Variants in NTRK2 observed in about 807,000 individuals in gnomAD.
NTRK2 encodes BDNF/NT-3 growth factors receptor.
In NTRK2, 13 loss-of-function variants were observed where a neutral mutation model predicts 94.5. That is an observed-to-expected ratio of 0.14 (90% CI 0.09 to 0.22). NTRK2 has a LOEUF of 0.22. Among genes scored for constraint, NTRK2 ranks in the 10% least tolerant of loss-of-function variants. The probability of loss-of-function intolerance (pLI) is 1.00; values close to 1 mark genes in which losing one functional copy is unlikely to be tolerated. For missense variants in NTRK2, 639 were observed against 1,071.2 expected, an observed-to-expected ratio of 0.60 and a Z score of 5.63; for synonymous variants, 372 against 407.4, an observed-to-expected ratio of 0.91 and a Z score of 1.05.
intron 14 of NTRK2, chr9:84,877,077 G>A (rs570139739): frequency 9.4e-7 from 1 of 1,064,210 alleles, no homozygotes; most frequent in Admixed American, 5.4e-5. Flanking sequence ...GGCAGAATAA[G>A]ATCATCACTC....
chr9:84,873,325 C>G, intron 14 of NTRK2: 1 of 1,058,886 alleles, frequency 9.4e-7, no homozygotes, highest in Non-Finnish European at 1.1e-6. Context: ...TAAAAATAAG[C>G]TAAGTCCATT....
chr9:84,734,255 G>A (rs886948761), intron 9 of NTRK2, among the ~76,000 whole-genome samples: 8 of 152,200 alleles, frequency 5.3e-5, no homozygotes, highest in African/African-American at 1.9e-4. Flanking sequence ...ACACATGATA[G>A]GCAGGTGCTC....
At chr9:84,875,857 T>G in intron 14 of NTRK2, 1 of 1,042,396 alleles carries the variant, frequency 9.6e-7, no homozygotes, top group Non-Finnish European at 1.2e-6. Context: ...TCCAATAATA[T>G]GTTAGTGTTG....
At chr9:84,766,739 C>CACATTCAACACACTTTTAATACAT (rs1222731634) in intron 12 of NTRK2, among the ~76,000 whole-genome samples, 21 of 151,936 alleles carry the variant, frequency 1.4e-4, no homozygotes, top group African/African-American at 5.1e-4. Context: ...ACAAACCACA[C>CACATTCAACACACTTTTAATACAT]ACATTCAACA....
chr9:84,748,104 A>G (rs888311817), intron 11 of NTRK2, among the ~76,000 whole-genome samples: 2 of 152,228 alleles, frequency 1.3e-5, no homozygotes, highest in Non-Finnish European at 2.9e-5. Flanking sequence ...AGGGGAGGGC[A>G]GATCTCCCTT....
intron 16 of NTRK2, among the ~76,000 whole-genome samples, chr9:84,948,934 T>G (rs926610751): frequency 2.8e-4 from 42 of 152,172 alleles, no homozygotes; most frequent in Non-Finnish European, 5.6e-4. Flanking sequence ...GGGTTTTAGA[T>G]GATCTGTAGG....
At chr9:84,876,298 G>A in intron 14 of NTRK2, 3 of 1,046,780 alleles carry the variant, frequency 2.9e-6, no homozygotes, top group Non-Finnish European at 3.5e-6. Context: ...CTTTACTAGA[G>A]ATTACATGAA....
intron 14 of NTRK2, among the ~76,000 whole-genome samples, chr9:84,930,397 C>A (rs1307138824): frequency 2.0e-5 from 3 of 151,992 alleles, no homozygotes; most frequent in Non-Finnish European, 2.9e-5. Context: ...AGAGGAGCAA[C>A]CGAGATGTCA....
At chr9:84,944,331 C>T (rs2078523686) in intron 15 of NTRK2, among the ~76,000 whole-genome samples, 1 of 148,370 alleles carries the variant, frequency 6.7e-6, no homozygotes, top group South Asian at 2.1e-4. Flanking sequence ...GGCGTGCTGT[C>T]TGCTCACTGC....
chr9:84,972,549 A>C (rs996928125), intron 17 of NTRK2, among the ~76,000 whole-genome samples: 1 of 152,202 alleles, frequency 6.6e-6, no homozygotes. Context: ...GTAACCAATA[A>C]AAACTAATGA....
intron 14 of NTRK2, among the ~76,000 whole-genome samples, chr9:84,932,124 C>T (rs1380692907): frequency 6.6e-6 from 1 of 152,200 alleles, no homozygotes; most frequent in Non-Finnish European, 1.5e-5. Context: ...TTAATTACCA[C>T]TTGCATTTTC....
intron 4 of NTRK2, among the ~76,000 whole-genome samples, chr9:84,704,664 G>A (rs1466834300): frequency 6.6e-6 from 1 of 152,174 alleles, no homozygotes; most frequent in African/African-American, 2.4e-5. Context: ...TTGTTGGGAT[G>A]TCAATCATTG....
chr9:84,799,844 C>T (rs562944485), intron 12 of NTRK2, among the ~76,000 whole-genome samples: 35 of 152,144 alleles, frequency 2.3e-4, no homozygotes, highest in Non-Finnish European at 4.4e-4. Flanking sequence ...GTTTAGCTTC[C>T]CCTGGAAAAT....
At chr9:84,826,589 G>A (rs554458497) in intron 12 of NTRK2, among the ~76,000 whole-genome samples, 20 of 152,298 alleles carry the variant, frequency 1.3e-4, no homozygotes, top group African/African-American at 4.1e-4. Flanking sequence ...GGTACAGGAT[G>A]TAGATGCCAA....
At chr9:84,798,938 ATAT>A (rs754117761) in intron 12 of NTRK2, among the ~76,000 whole-genome samples, 6,887 of 119,648 alleles carry the variant, frequency 0.058, 245 homozygotes, top group East Asian at 0.19. Context: ...ATATATATAT[ATAT>A]GCTTATTTAA....
intron 12 of NTRK2, among the ~76,000 whole-genome samples, chr9:84,848,214 C>T (rs1408658623): frequency 1.3e-5 from 2 of 152,154 alleles, no homozygotes; most frequent in Non-Finnish European, 2.9e-5. Flanking sequence ...TCCTTAAAGG[C>T]CCTATCTCCA....
chr9:84,782,997 C>T (rs2067750397), intron 12 of NTRK2, among the ~76,000 whole-genome samples: 1 of 152,138 alleles, frequency 6.6e-6, no homozygotes, highest in African/African-American at 2.4e-5. Flanking sequence ...TATGAGAGAT[C>T]AAGAGAAACT....
chr9:84,826,238 C>CT (rs1372278113), intron 12 of NTRK2, among the ~76,000 whole-genome samples: 2 of 152,112 alleles, frequency 1.3e-5, no homozygotes, highest in African/African-American at 2.4e-5. Flanking sequence ...TTTGGAGGAC[C>CT]TGAGGGTCTC....
At chr9:84,872,373 AGT>A (rs2075897421) in intron 14 of NTRK2, 1 of 1,095,028 alleles carries the variant, frequency 9.1e-7, no homozygotes, top group African/African-American at 1.6e-5. Context: ...GAAGGGCAGG[AGT>A]GTGTTTTATC....
Sources: gnomAD v4.1 joint callset for allele counts (sites outside exome capture counted in the v4.1 genomes callset) on GRCh38, gnomAD v4.1.1 for gene constraint, MANE v1.5 for transcripts, NCBI Gene and HGNC (gene_info 2026-07-23, HGNC 2026-07-21) for gene names.